ZBTB40: variants seen among roughly 807,000 people sequenced by gnomAD.
The protein encoded by ZBTB40 is zinc finger and BTB domain-containing protein 40.
In ZBTB40, 60 loss-of-function variants were observed where a neutral mutation model predicts 117.5. The ratio of observed to expected loss-of-function variants is 0.51; its 90% CI spans 0.41 to 0.63. The LOEUF (loss-of-function observed/expected upper bound fraction) is 0.63. ZBTB40 is among the 30% of genes least tolerant of loss of function. The pLI, the probability that ZBTB40 is intolerant of heterozygous loss-of-function variation, is 0.00. For missense variants in ZBTB40, 1,287 were observed against 1,498.5 expected (o/e 0.86, Z 2.33); for synonymous variants, 525 against 577.1 (o/e 0.91, Z 1.29).
rs34216459 is a variant in ZBTB40, at chr1:22,511,815, T to C, written c.2142T>C (p.Thr714=). The part of the protein sequence containing the change: ...QPGEQNDQGE[T]GSLPGQQEKE... ...GGGAACAGAATGATCAAGGAGAGAC[T>C]GGTTCCTTGCCAGGACAGCAAGAGA... is the stretch of plus-strand genomic sequence containing the variant. The change falls in exon 11 of 18, where the codon ACT becomes ACC. Residue 714 remains threonine (T), a synonymous_variant. Transcript: ENST00000375647. The C allele has an allele frequency of 1.2e-4, 193 of 1,613,986 alleles. 2 individuals are homozygous for C. The highest frequency in any genetic ancestry group is 1.6e-4 in the Middle Eastern group (1 of 6,084).
intron 1 of ZBTB40, among the ~76,000 whole-genome samples, chr1:22,434,077 C>A (rs1640637930): frequency 6.6e-6 from 1 of 152,146 alleles, no homozygotes; most frequent in African/African-American, 2.4e-5. Context: ...CCATTTCAAC[C>A]AGCAATGGAT....
intron 13 of ZBTB40, among the ~76,000 whole-genome samples, chr1:22,518,670 A>G (rs1460200328): frequency 6.6e-5 from 10 of 152,208 alleles, no homozygotes; most frequent in Non-Finnish European, 1.5e-4. Flanking sequence ...CAAAGCTCCT[A>G]TGTGCCCAGC....
chr1:22,444,656 C>T (rs1237113749), intron 1 of ZBTB40, among the ~76,000 whole-genome samples: 1 of 152,164 alleles, frequency 6.6e-6, no homozygotes, highest in Non-Finnish European at 1.5e-5. Context: ...CGTACGACTT[C>T]AGTAAACTCA....
chr1:22,500,215 A>G (rs1638889463), intron 3 of ZBTB40, among the ~76,000 whole-genome samples: 1 of 152,218 alleles, frequency 6.6e-6, no homozygotes, highest in Non-Finnish European at 1.5e-5. Flanking sequence ...AAACCAAAGA[A>G]AGGAATGCTA....
chr1:22,471,238 C>T (rs1206537597), intron 1 of ZBTB40, among the ~76,000 whole-genome samples: 1 of 152,230 alleles, frequency 6.6e-6, no homozygotes, highest in Admixed American at 6.5e-5. Flanking sequence ...TAACATATCA[C>T]CATCCATCCT....
intron 1 of ZBTB40, among the ~76,000 whole-genome samples, chr1:22,458,062 C>T (rs1484152413): frequency 2.0e-5 from 3 of 152,236 alleles, no homozygotes; most frequent in Non-Finnish European, 4.4e-5. Flanking sequence ...TCTCTTTCAG[C>T]ACATATTTAG....
chr1:22,526,955 C>T lies in ZBTB40; in HGVS notation c.*559C>T. 1 of 201,344 alleles carries T rather than the reference C, an allele frequency of 5.0e-6. No individual in the cohort carries two copies. The highest frequency in any genetic ancestry group is 1.0e-5 in the Non-Finnish European group (1 of 97,038). 12.5% of individuals were successfully genotyped at this position (201,344 alleles called of 1,614,324 possible). A position where few individuals can be genotyped will look rare whatever the true frequency, so the allele number is the denominator to read the frequency against. ...ATCCTACCCTCTGCTGGGGTTCCCC[C>T]TCCACCCAGTGGCCACGCCCAGCAC... On this transcript the variant is annotated 3_prime_UTR_variant, in exon 18 of 18. Coordinates refer to ENST00000375647, the MANE Select transcript of ZBTB40 (RefSeq NM_014870.4).
rs1638593315 is a variant in ZBTB40 at position 22,490,373 on chromosome 1, A to G, written c.425A>G (p.Glu142Gly). ...PSSETFRKEPEKPQVEILSSE... is the reference protein window; with the variant it reads ...PSSETFRKEPGKPQVEILSSE... ...TCAGAGACATTCAGAAAGGAACCAG[A>G]GAAGCCTCAAGTAGAAATCCTTTCA... The change falls in exon 2 of 18, where the codon GAG (glutamate) becomes GGG (glycine). Residue 142 changes from glutamate to glycine, a missense_variant. Transcript: ENST00000375647. The G allele has an allele frequency of 2.5e-6, 4 of 1,613,982 alleles. No homozygotes were observed. In the African/African-American group the frequency reaches 5.3e-5, roughly 22 times the overall value.
At chr1:22,484,568 A>T (rs1273989071) in intron 1 of ZBTB40, among the ~76,000 whole-genome samples, 1 of 152,176 alleles carries the variant, frequency 6.6e-6, no homozygotes, top group Non-Finnish European at 1.5e-5. Flanking sequence ...TTTTCTGTAA[A>T]GACAATCATG....
At chr1:22,470,257 C>A (rs892577844) in intron 1 of ZBTB40, among the ~76,000 whole-genome samples, 2 of 152,176 alleles carry the variant, frequency 1.3e-5, no homozygotes, top group South Asian at 4.1e-4. Context: ...ATTCTAGTTG[C>A]ATAATTCTGA....
rs555995462 is a variant in ZBTB40 at position 22,468,465 on chromosome 1, C to CTT, written c.-70+16487_-70+16488dup. Among the ~76,000 whole-genome samples the CTT allele has an allele frequency of 5.6e-4, 29 of 51,728 alleles. 1 individual carries two copies. Among genetic ancestry groups the CTT allele is most frequent in the Non-Finnish European group, 6.8e-4 (20 of 29,330 alleles). 33.9% of individuals were successfully genotyped at this position (51,728 alleles called of 152,430 possible). A position where few individuals can be genotyped will look rare whatever the true frequency, so the allele number is the denominator to read the frequency against. ...TTAAAATTTAAAATGTTAATGTTTC[C>CTT]TTTTTTTTTTTTTTTTTTTTTTTTT... On this transcript the variant is annotated intron_variant, in intron 1 of 17. Coordinates refer to ENST00000375647, the MANE Select transcript of ZBTB40 (RefSeq NM_014870.4).
At chr1:22,511,534 A>G in intron 10 of ZBTB40, 142 bp from the exon 11 acceptor site, 1 of 1,237,156 alleles carries the variant, frequency 8.1e-7, no homozygotes, top group Non-Finnish European at 1.1e-6. Context: ...ATTGGAAAGT[A>G]AGGAGGACAA....
intron 9 of ZBTB40, among the ~76,000 whole-genome samples, chr1:22,510,063 T>G (rs1639189362): frequency 6.6e-6 from 1 of 152,250 alleles, no homozygotes; most frequent in African/African-American, 2.4e-5. Context: ...GCTCATTTTC[T>G]GTAAGCCTTC....
chr1:22,512,138 C>A lies in ZBTB40; in HGVS notation c.2461+4C>A. 6.2e-7 allele frequency: 1 copy of A among 1,612,622 alleles called. No individual in the cohort carries two copies. Among genetic ancestry groups the A allele is most frequent in the South Asian group, 1.1e-5 (1 of 91,002 alleles). ...AGAGAATTTGCCCATGCCTCAGGTACGTTCAAGAAGGCAAAGGAACAGAGG... is the reference window on the plus strand; with the variant it reads ...AGAGAATTTGCCCATGCCTCAGGTAAGTTCAAGAAGGCAAAGGAACAGAGG... On this transcript the variant is annotated splice_donor_region_variant and intron_variant, in intron 11 of 17. Coordinates refer to ENST00000375647, the MANE Select transcript of ZBTB40 (RefSeq NM_014870.4).
rs1035968220 is a variant in ZBTB40, at chr1:22,512,028, G to T, written c.2355G>T (p.Gln785His). The T allele has an allele frequency of 1.9e-6, 3 of 1,614,056 alleles. No individual in the cohort carries two copies. The Admixed American group carries it at 5.0e-5, about 27-fold the overall frequency. ...CAAAGAAAGAGCTGGACAAACATCAGCTGGAGGCCCATGGTGCAGGTGGAG... is the reference window on the plus strand; with the variant it reads ...CAAAGAAAGAGCTGGACAAACATCATCTGGAGGCCCATGGTGCAGGTGGAG... ...KDSKKELDKHQLEAHGAGGEP... is the reference protein window; with the variant it reads ...KDSKKELDKHHLEAHGAGGEP... The change falls in exon 11 of 18, where the codon CAG (glutamine) becomes CAT (histidine). Residue 785 changes from glutamine to histidine, a missense_variant. Gln to His is a conservative substitution (Grantham distance 24). Around this residue, in one of 2 missense-constraint regions of ZBTB40, gnomAD observed 870 missense variants for 934.4 expected, o/e 0.93. Transcript: ENST00000375647.
At position 22,526,380 on chromosome 1, in the gene ZBTB40, G is replaced by C. The variant is rs1490246419; in HGVS notation, c.3704G>C (p.Cys1235Ser). ...CTGGATGGCACAGTGACGCTGATCT[G>C]TGGTGAGGCCAAATGAGCAGCCTTT... The part of the protein sequence containing the change: ...DLLDGTVTLI[C>S]GEAK The change falls in exon 18 of 18, where the codon TGT (cysteine) becomes TCT (serine). Residue 1235 changes from cysteine (C) to serine (S), a missense_variant. Coordinates refer to ENST00000375647, the MANE Select transcript of ZBTB40 (RefSeq NM_014870.4). 1 of 1,614,058 alleles carries C rather than the reference G, an allele frequency of 6.2e-7. No individual in the cohort carries two copies. The highest frequency in any genetic ancestry group is 1.3e-5 in the African/African-American group (1 of 74,934).
Position 22,489,886 on chromosome 1 carries a change from T to C in ZBTB40, c.-63T>C. On this transcript the variant is annotated 5_prime_UTR_variant, in exon 2 of 18. Transcript: ENST00000375647. ...ATTTTGTGGGTTTCTCTAGGGCCTG[T>C]CCTCCCAAAGCCAACTCTAAGGAGA... The C allele has an allele frequency of 6.5e-7, 1 of 1,539,738 alleles. No individual in the cohort carries two copies. The highest frequency in any genetic ancestry group is 8.9e-7 in the Non-Finnish European group (1 of 1,124,794).
chr1:22,493,512 T>A (rs146977138), intron 3 of ZBTB40, among the ~76,000 whole-genome samples: 3 of 152,346 alleles, frequency 2.0e-5, no homozygotes, highest in African/African-American at 7.2e-5. Context: ...AACCTGTAGC[T>A]AGGTATGGTG....
intron 1 of ZBTB40, among the ~76,000 whole-genome samples, chr1:22,443,427 T>C (rs1640755596): frequency 6.6e-6 from 1 of 152,256 alleles, no homozygotes. Flanking sequence ...TTACAGGTGA[T>C]AGGTGGATTC....
Sources: allele counts gnomAD v4.1 joint callset (sites outside exome capture counted in the v4.1 genomes callset), GRCh38; gene constraint gnomAD v4.1.1; regional missense constraint gnomAD v4.1.1; transcripts MANE v1.5; gene names NCBI Gene and HGNC (gene_info 2026-07-23, HGNC 2026-07-21).